The following SHROOM3 variants were observed in gnomAD, a reference collection of about 807,000 sequenced individuals.
SHROOM3 encodes protein Shroom3.
A neutral mutation model predicts 138.6 loss-of-function variants in SHROOM3; 47 were observed. The ratio of observed to expected loss-of-function variants is 0.34; its 90% CI spans 0.27 to 0.43. The LOEUF is 0.43. Ranked by LOEUF, SHROOM3 falls within the 20% of genes least tolerant of loss-of-function variation. The probability of loss-of-function intolerance (pLI) is 1.00; values close to 1 mark genes in which losing one functional copy is unlikely to be tolerated. For missense variants in SHROOM3, 2,491 were observed against 2,596.5 expected (o/e 0.96, Z 0.88); for synonymous variants, 1,062 against 1,063.3 (o/e 1.00, Z 0.02).
chr4:76,736,416 G>A (rs1405787377), intron 4 of SHROOM3, among the ~76,000 whole-genome samples: 2 of 152,114 alleles, frequency 1.3e-5, no homozygotes, highest in Non-Finnish European at 2.9e-5. Context: ...TTCTTGAGGA[G>A]AGCTGCTGAA....
chr4:76,584,390 G>A (rs1577901023), intron 2 of SHROOM3, among the ~76,000 whole-genome samples: 1 of 152,070 alleles, frequency 6.6e-6, no homozygotes, highest in African/African-American at 2.4e-5. Flanking sequence ...GACTGTGTAT[G>A]CAATATACAC....
At chr4:76,689,490 C>G in intron 2 of SHROOM3, 3 of 978,888 alleles carry the variant, frequency 3.1e-6, no homozygotes, top group Non-Finnish European at 3.6e-6. Context: ...TCAGCGTCCT[C>G]CAGCCGCGCT....
rs536033516 is a variant in SHROOM3, at chr4:76,525,025, C to T, written c.169-30584C>T. Among the ~76,000 whole-genome samples, 38 of 152,306 alleles carry T rather than the reference C, an allele frequency of 2.5e-4. No individual in the cohort carries two copies. The Middle Eastern group carries it at 0.01, about 41-fold the overall frequency. ...ACTACCAAACTATCTTCCAGAGTGT[C>T]TATAACATTTTACATTCCCACCAGC... On this transcript the variant is annotated intron_variant, in intron 1 of 10. Coordinates refer to ENST00000296043, the MANE Select transcript of SHROOM3 (RefSeq NM_020859.4).
intron 1 of SHROOM3, among the ~76,000 whole-genome samples, chr4:76,456,268 G>A (rs1579165487): frequency 6.6e-6 from 1 of 152,200 alleles, no homozygotes; most frequent in African/African-American, 2.4e-5. Flanking sequence ...GCCTCCCAAA[G>A]TGTTAGGATT....
intron 2 of SHROOM3, among the ~76,000 whole-genome samples, chr4:76,565,535 C>G (rs1364334130): frequency 2.0e-5 from 3 of 152,154 alleles, no homozygotes; most frequent in Admixed American, 2.0e-4. Flanking sequence ...CTCTGTTGCC[C>G]AGGCTGGAGT....
chr4:76,497,928 G>A (rs1429421373), intron 1 of SHROOM3, among the ~76,000 whole-genome samples: 1 of 152,122 alleles, frequency 6.6e-6, no homozygotes, highest in Admixed American at 6.6e-5. Flanking sequence ...GTCGTGCATG[G>A]CTGGAGCAGA....
chr4:76,550,765 G>A (rs12644803), intron 1 of SHROOM3, among the ~76,000 whole-genome samples: 51,463 of 151,698 alleles, frequency 0.34, 9,209 homozygotes, highest in East Asian at 0.41. Context: ...TTGGGAGGCT[G>A]AAGCGGGAGG....
intron 3 of SHROOM3, among the ~76,000 whole-genome samples, chr4:76,724,896 G>A (rs1720654953): frequency 6.6e-6 from 1 of 152,124 alleles, no homozygotes; most frequent in Non-Finnish European, 1.5e-5. Flanking sequence ...GCTAGATGTT[G>A]TCAAACTGGC....
chr4:76,697,411 C>T (rs1304075719), intron 2 of SHROOM3, among the ~76,000 whole-genome samples: 1 of 152,112 alleles, frequency 6.6e-6, no homozygotes, highest in Non-Finnish European at 1.5e-5. Context: ...AAAATCAACA[C>T]TCCTGAGGAA....
intron 2 of SHROOM3, among the ~76,000 whole-genome samples, chr4:76,655,278 G>T (rs17257018): frequency 6.6e-6 from 1 of 152,206 alleles, no homozygotes; most frequent in African/African-American, 2.4e-5. Flanking sequence ...CTAGTCCATT[G>T]TTCTGCCTCT....
At chr4:76,761,096 G>A (rs917472095) in intron 9 of SHROOM3, among the ~76,000 whole-genome samples, 4 of 152,004 alleles carry the variant, frequency 2.6e-5, no homozygotes, top group African/African-American at 9.7e-5. Flanking sequence ...TATATTGCAT[G>A]ATCCTGAGGC....
chr4:76,455,824 A>G (rs985572836), intron 1 of SHROOM3, among the ~76,000 whole-genome samples: 1 of 152,126 alleles, frequency 6.6e-6, no homozygotes, highest in African/African-American at 2.4e-5. Flanking sequence ...TTTGGAAGGC[A>G]CCAAGTATTA....
chr4:76,450,955 AT>A (rs148176073), intron 1 of SHROOM3, among the ~76,000 whole-genome samples: 196 of 148,486 alleles, frequency 1.3e-3, no homozygotes, highest in Middle Eastern at 3.5e-3. Context: ...TTTAGTATTG[AT>A]TTTTTTTTTT....
intron 2 of SHROOM3, among the ~76,000 whole-genome samples, chr4:76,574,513 C>T (rs140851084): frequency 3.3e-4 from 50 of 152,250 alleles, no homozygotes; most frequent in African/African-American, 9.4e-4. Context: ...TCTCTACCAA[C>T]GCCTTTCTTA....
At chr4:76,465,249 G>A (rs1731227874) in intron 1 of SHROOM3, among the ~76,000 whole-genome samples, 5 of 152,190 alleles carry the variant, frequency 3.3e-5, no homozygotes, top group Admixed American at 3.3e-4. Context: ...CTAAGAAGTT[G>A]TAGTAGCCAA....
At chr4:76,459,008 G>T (rs542454392) in intron 1 of SHROOM3, among the ~76,000 whole-genome samples, 9 of 152,164 alleles carry the variant, frequency 5.9e-5, no homozygotes, top group Non-Finnish European at 1.0e-4. Flanking sequence ...ACAGCAGCAG[G>T]GGGGCGGGGA....
chr4:76,778,413 G>A (rs1486330879), intron 10 of SHROOM3, among the ~76,000 whole-genome samples: 1 of 151,926 alleles, frequency 6.6e-6, no homozygotes, highest in Non-Finnish European at 1.5e-5. Flanking sequence ...GTAGAGACGG[G>A]GTTTCACCAT....
intron 3 of SHROOM3, among the ~76,000 whole-genome samples, chr4:76,721,642 C>T (rs1720555852): frequency 6.6e-6 from 1 of 152,176 alleles, no homozygotes; most frequent in South Asian, 2.1e-4. Context: ...TTTCAAGTAG[C>T]TGGGACTACA....
At chr4:76,564,947 G>T (rs917382242) in intron 2 of SHROOM3, among the ~76,000 whole-genome samples, 8 of 151,786 alleles carry the variant, frequency 5.3e-5, no homozygotes, top group African/African-American at 1.9e-4. Context: ...AGATTATGAG[G>T]TCAGGAGTTC....
Sources: allele counts gnomAD v4.1 joint callset (sites outside exome capture counted in the v4.1 genomes callset), GRCh38; gene constraint gnomAD v4.1.1; transcripts MANE v1.5; gene names NCBI Gene and HGNC (gene_info 2026-07-23, HGNC 2026-07-21).